The following THOC1 variants were observed in gnomAD, a reference collection of about 807,000 sequenced individuals.
THOC1 encodes the protein THO complex subunit 1, also known as THO complex 1.
THOC1 carries 29 observed loss-of-function variants against 97.3 expected under a neutral mutation model. That is an observed-to-expected ratio of 0.30 (90% confidence interval 0.22 to 0.41). The LOEUF (loss-of-function observed/expected upper bound fraction) is 0.41, where lower values mean the gene tolerates loss of function less well. THOC1 is among the 10% of genes least tolerant of loss of function. The probability of loss-of-function intolerance (pLI) is 1.00; values close to 1 mark genes in which losing one functional copy is unlikely to be tolerated. For synonymous variants in THOC1, 255 were observed against 257.0 expected, an observed-to-expected ratio of 0.99 and a Z score of 0.07; for missense variants, 529 against 761.9, an observed-to-expected ratio of 0.69 and a Z score of 3.60.
intron 11 of THOC1, among the ~76,000 whole-genome samples, chr18:237,869 C>CA (rs1567849135): frequency 6.6e-6 from 1 of 150,880 alleles, no homozygotes; most frequent in East Asian, 1.9e-4. Flanking sequence ...AATAGTATTC[C>CA]TTTTTTTTTC....
At chr18:235,442 T>C (rs1911647197) in intron 11 of THOC1, among the ~76,000 whole-genome samples, 1 of 152,170 alleles carries the variant, frequency 6.6e-6, no homozygotes, top group African/African-American at 2.4e-5. Flanking sequence ...CACTCTTTCT[T>C]GACATTTTTT....
At chr18:245,223 A>C (rs1019060680) in intron 11 of THOC1, 3 of 152,150 alleles carry the variant, frequency 2.0e-5, no homozygotes, top group African/African-American at 7.2e-5. Flanking sequence ...TTAGCATTAG[A>C]TTTATGGATT....
chr18:255,139 A>C lies in THOC1; in HGVS notation c.521-784T>G, dbSNP rs557005561. Among the ~76,000 whole-genome samples, 10 of 152,306 alleles carry C rather than the reference A, an allele frequency of 6.6e-5. No homozygotes were observed. The East Asian group carries it at 1.2e-3, about 18-fold the overall frequency. ...TCTCCTTGGGCCTCCTTATTCCCTG[A>C]GACGAGACAATATTGAATTTAGGCC... On this transcript the variant is annotated intron_variant, in intron 7 of 20. Coordinates refer to ENST00000261600, the MANE Select transcript of THOC1 (RefSeq NM_005131.3).
chr18:240,233 G>C (rs1267437348), intron 11 of THOC1, among the ~76,000 whole-genome samples: 1 of 152,084 alleles, frequency 6.6e-6, no homozygotes, highest in African/African-American at 2.4e-5. Context: ...TTCAAGATTA[G>C]GCTCCAAATT....
chr18:240,506 G>A (rs575242330), intron 11 of THOC1, among the ~76,000 whole-genome samples: 10 of 152,292 alleles, frequency 6.6e-5, no homozygotes, highest in East Asian at 5.8e-4. Flanking sequence ...CATGCTTTCC[G>A]CCCTGAAGAC....
At chr18:253,468 G>C (rs1174253855) in intron 8 of THOC1, among the ~76,000 whole-genome samples, 2 of 152,122 alleles carry the variant, frequency 1.3e-5, no homozygotes, top group Non-Finnish European at 2.9e-5. Context: ...AAATCTTAAA[G>C]GAAGAAAGTG....
intron 9 of THOC1, 142 bp from the exon 10 acceptor site, chr18:248,099 AT>A: frequency 3.4e-6 from 2 of 584,430 alleles, no homozygotes; most frequent in Non-Finnish European, 5.8e-6. Context: ...AAATGCTTAT[AT>A]AAACTTTTAC....
In THOC1 at chr18:214,853, C is replaced by T. The variant is rs200603522; in HGVS notation, c.1747G>A (p.Glu583Lys). The T allele has an allele frequency of 6.2e-7, 1 of 1,613,936 alleles. No individual in the cohort carries two copies. The highest frequency in any genetic ancestry group is 1.3e-5 in the African/African-American group (1 of 75,036). The change falls in exon 21 of 21, where the codon GAA (glutamate) becomes AAA (lysine). Residue 583 changes from glutamate to lysine, a missense_variant. Around this residue, in one of 8 missense-constraint regions of THOC1, gnomAD observed 98 missense variants for 111.9 expected, o/e 0.88. Transcript: ENST00000261600. ...TAGGGAGCCAGAATCTTCCATTGTT[C>T]ACCCAGCTTGTTGGCAAATACCTCT... ...QIEVFANKLG[E>K]QWKILAPYLE... is the part of the protein sequence containing the mutation.
intron 4 of THOC1, among the ~76,000 whole-genome samples, chr18:263,334 C>G (rs1434766474): frequency 6.6e-6 from 1 of 152,170 alleles, no homozygotes; most frequent in African/African-American, 2.4e-5. Context: ...CCGTCTCAGC[C>G]TCCCAAAGTG....
intron 4 of THOC1, 179 bp downstream of exon 4, chr18:263,847 G>A (rs1216087487): frequency 1.4e-4 from 82 of 568,230 alleles, no homozygotes; most frequent in South Asian, 1.1e-4. Flanking sequence ...CTGCATAATA[G>A]AGATGAGAAA....
chr18:241,217 G>T (rs963767455), intron 11 of THOC1, among the ~76,000 whole-genome samples: 1 of 152,006 alleles, frequency 6.6e-6, no homozygotes, highest in Non-Finnish European at 1.5e-5. Context: ...GTTAACAGGA[G>T]GGTCTTGCTT....
intron 17 of THOC1, among the ~76,000 whole-genome samples, chr18:221,858 T>C (rs959218429): frequency 1.3e-5 from 2 of 152,200 alleles, no homozygotes; most frequent in Admixed American, 6.5e-5. Flanking sequence ...TCCGCCCGCC[T>C]TGGCCTCCCA....
At chr18:260,040 G>T (rs187097493) in intron 5 of THOC1, 146 bp downstream of exon 5, 2 of 559,208 alleles carry the variant, frequency 3.6e-6, no homozygotes, top group African/African-American at 2.0e-5. Flanking sequence ...TGGCTCTCCC[G>T]AGAGAGCAGT....
At chr18:221,985 A>G (rs1020984885) in intron 17 of THOC1, among the ~76,000 whole-genome samples, 1 of 152,012 alleles carries the variant, frequency 6.6e-6, no homozygotes, top group Non-Finnish European at 1.5e-5. Context: ...GAATTTAACC[A>G]TACTGTTTTG....
intron 3 of THOC1, 167 bp downstream of exon 3, chr18:265,136 C>G: frequency 1.7e-6 from 1 of 602,808 alleles, no homozygotes; most frequent in Non-Finnish European, 2.9e-6. Flanking sequence ...CCTGTGCTAT[C>G]AAAATCCTTA....
Position 260,324 on chromosome 18 carries a change from C to A in THOC1, c.257-20G>T. The A allele has an allele frequency of 1.4e-6, 2 of 1,449,854 alleles. No individual in the cohort carries two copies. Among genetic ancestry groups the A allele is most frequent in the Non-Finnish European group, 1.8e-6 (2 of 1,091,666 alleles). 89.8% of individuals were successfully genotyped at this position (1,449,854 alleles called of 1,614,324 possible). On this transcript the variant is annotated intron_variant, in intron 4 of 20. Transcript: ENST00000261600. Reference sequence around the variant, plus strand: ...AAATACCTTCAAGTGGAGCACAAGCCAATTTAAAAGTTTAAAAAACTGTAG... The same window carrying A: ...AAATACCTTCAAGTGGAGCACAAGCAAATTTAAAAGTTTAAAAAACTGTAG...
chr18:215,463 C>G lies in THOC1; in HGVS notation c.1644G>C (p.Glu548Asp), dbSNP rs751614194. The G allele has an allele frequency of 1.2e-6, 2 of 1,613,676 alleles. No individual in the cohort carries two copies. Among genetic ancestry groups the G allele is most frequent in the Non-Finnish European group, 1.7e-6 (2 of 1,179,716 alleles). The change falls in exon 20 of 21, where the codon GAG (glutamate) becomes GAC (aspartate). Residue 548 changes from glutamate (E) to aspartate (D), a missense_variant. This residue lies in a region of THOC1 where 27 missense variants were observed against 80.6 expected (regional missense o/e 0.33). Coordinates refer to ENST00000261600, the MANE Select transcript of THOC1 (RefSeq NM_005131.3). ...CCTTCAGTAGAGCATCATTATCTTC[C>G]TCATCTTCATCCTCACCTGTTTTTA... ...EEIKTGEDED[E>D]EDNDALLKEN...
intron 17 of THOC1, 113 bp downstream of exon 17, chr18:223,327 A>T: frequency 2.5e-6 from 2 of 789,890 alleles, no homozygotes; most frequent in East Asian, 3.0e-5. Context: ...GCCAAAAGTC[A>T]ACCACAATAA....
intron 4 of THOC1, among the ~76,000 whole-genome samples, chr18:263,089 CT>C (rs986685022): frequency 1.3e-5 from 2 of 151,190 alleles, no homozygotes; most frequent in Non-Finnish European, 3.0e-5. Context: ...TGCAGCTGCT[CT>C]TTTTTTTTGA....
Sources: allele counts gnomAD v4.1 joint callset (sites outside exome capture counted in the v4.1 genomes callset), GRCh38; gene constraint gnomAD v4.1.1; regional missense constraint gnomAD v4.1.1; transcripts MANE v1.5; gene names NCBI Gene and HGNC (gene_info 2026-07-23, HGNC 2026-07-21).